The following ARNT2 variants were observed in gnomAD, a reference collection of about 807,000 sequenced individuals.
ARNT2 encodes aryl hydrocarbon receptor nuclear translocator 2.
In ARNT2, 36 loss-of-function variants were observed where a neutral mutation model predicts 91.7. That is an observed-to-expected ratio of 0.39 (90% confidence interval 0.30 to 0.52). ARNT2 has a LOEUF of 0.52. ARNT2 is among the 20% of genes least tolerant of loss of function. The probability of loss-of-function intolerance (pLI) is 0.72; values close to 1 mark genes in which losing one functional copy is unlikely to be tolerated. For missense variants in ARNT2, 775 were observed against 939.3 expected, an observed-to-expected ratio of 0.83 and a Z score of 2.29; for synonymous variants, 365 against 347.1, an observed-to-expected ratio of 1.05 and a Z score of -0.57.
chr15:80,452,717 C>T (rs183134915), intron 2 of ARNT2, among the ~76,000 whole-genome samples: 2 of 152,248 alleles, frequency 1.3e-5, no homozygotes, highest in East Asian at 3.9e-4. Context: ...TGCTCAGGCC[C>T]AGCCTAGTAC....
chr15:80,438,819 AG>A (rs1896136523), intron 1 of ARNT2, among the ~76,000 whole-genome samples: 1 of 152,120 alleles, frequency 6.6e-6, no homozygotes, highest in Non-Finnish European at 1.5e-5. Context: ...CCTCCCAAGT[AG>A]CTAGGATTAT....
At chr15:80,512,926 T>C (rs1356736991) in intron 6 of ARNT2, among the ~76,000 whole-genome samples, 2 of 152,072 alleles carry the variant, frequency 1.3e-5, no homozygotes, top group African/African-American at 2.4e-5. Flanking sequence ...TTCCTCCAAA[T>C]GAAACAGCTA....
At chr15:80,453,759 G>A (rs931792859) in intron 2 of ARNT2, among the ~76,000 whole-genome samples, 3 of 152,152 alleles carry the variant, frequency 2.0e-5, no homozygotes, top group Non-Finnish European at 1.5e-5. Flanking sequence ...TGAGAATGTG[G>A]GACATGGTGG....
At chr15:80,516,751 TTAAG>T (rs1270907537) in intron 8 of ARNT2, among the ~76,000 whole-genome samples, 1 of 148,426 alleles carries the variant, frequency 6.7e-6, no homozygotes, top group Admixed American at 6.7e-5. Flanking sequence ...TTTGCCTTTT[TTAAG>T]TTTCTTTAAA....
intron 1 of ARNT2, chr15:80,442,989 C>G: frequency 1.0e-6 from 1 of 985,432 alleles, no homozygotes. Flanking sequence ...CTCACCTGGA[C>G]TGCTGTGACC....
At chr15:80,468,352 C>T (rs1052446735) in intron 3 of ARNT2, among the ~76,000 whole-genome samples, 3 of 152,028 alleles carry the variant, frequency 2.0e-5, no homozygotes, top group East Asian at 3.9e-4. Flanking sequence ...CATCACGGCT[C>T]TTATCAGCCT....
chr15:80,411,176 A>G (rs1043690196), intron 1 of ARNT2, among the ~76,000 whole-genome samples: 1 of 152,186 alleles, frequency 6.6e-6, no homozygotes, highest in African/African-American at 2.4e-5. Flanking sequence ...TGTACCTATC[A>G]TGCATTCTTC....
chr15:80,497,692 A>G (rs1033420692), intron 5 of ARNT2, among the ~76,000 whole-genome samples: 2 of 152,248 alleles, frequency 1.3e-5, no homozygotes, highest in African/African-American at 2.4e-5. Flanking sequence ...GTGCTGCAGG[A>G]GAGCTGAGAA....
intron 4 of ARNT2, among the ~76,000 whole-genome samples, chr15:80,474,317 A>T (rs564901370): frequency 6.6e-6 from 1 of 152,238 alleles, no homozygotes; most frequent in South Asian, 2.1e-4. Context: ...TGATGCTCCT[A>T]TCCTCTTCTC....
intron 11 of ARNT2, among the ~76,000 whole-genome samples, chr15:80,561,233 C>T (rs886813223): frequency 6.6e-6 from 1 of 152,074 alleles, no homozygotes; most frequent in Non-Finnish European, 1.5e-5. Flanking sequence ...GGGACCAAGT[C>T]CCCATTCTAA....
chr15:80,478,704 G>T (rs186572670), intron 5 of ARNT2, among the ~76,000 whole-genome samples: 24 of 152,326 alleles, frequency 1.6e-4, no homozygotes, highest in Admixed American at 3.9e-4. Flanking sequence ...TTGATTCCGT[G>T]GGGGAGAGCT....
At chr15:80,480,825 C>G (rs1014177009) in intron 5 of ARNT2, among the ~76,000 whole-genome samples, 2 of 152,066 alleles carry the variant, frequency 1.3e-5, no homozygotes, top group African/African-American at 4.8e-5. Flanking sequence ...CTCCTTCCTC[C>G]TTCCCTCTTT....
In ARNT2 at chr15:80,450,272, G is replaced by A. The variant is rs532334929; in HGVS notation, c.32-608G>A. 5.9e-5 allele frequency among the ~76,000 whole-genome samples: 9 copies of A among 152,322 alleles called. No homozygotes were observed. In the East Asian group the frequency reaches 1.7e-3, roughly 29 times the overall value. Reference sequence around the variant, plus strand: ...AGGTCCAGCTCTGGAGATCCAGGAAGCCTCAGCCTGGCCTGCTATAGCCTG... The same window carrying A: ...AGGTCCAGCTCTGGAGATCCAGGAAACCTCAGCCTGGCCTGCTATAGCCTG... On this transcript the variant is annotated intron_variant, in intron 1 of 18. Coordinates refer to ENST00000303329, the MANE Select transcript of ARNT2 (RefSeq NM_014862.4).
chr15:80,451,021 T>A, intron 2 of ARNT2, 27 bp downstream of exon 2: 1 of 1,599,368 alleles, frequency 6.3e-7, no homozygotes. Flanking sequence ...TTTCCAGGAA[T>A]TGGCTTAATA....
chr15:80,521,371 A>G (rs997273707), intron 8 of ARNT2, among the ~76,000 whole-genome samples: 16 of 152,214 alleles, frequency 1.1e-4, no homozygotes, highest in African/African-American at 3.9e-4. Flanking sequence ...TGTGGTACAC[A>G]AAATATCCTG....
At chr15:80,498,587 A>G (rs1248510110) in intron 5 of ARNT2, among the ~76,000 whole-genome samples, 1 of 152,226 alleles carries the variant, frequency 6.6e-6, no homozygotes, top group Non-Finnish European at 1.5e-5. Flanking sequence ...TGTACCTCCT[A>G]TAACTCCACC....
chr15:80,547,219 T>G (rs1262988426), intron 8 of ARNT2, among the ~76,000 whole-genome samples: 1 of 152,204 alleles, frequency 6.6e-6, no homozygotes, highest in Non-Finnish European at 1.5e-5. Flanking sequence ...ACATTTGCGC[T>G]GATGGCGTAA....
intron 5 of ARNT2, among the ~76,000 whole-genome samples, chr15:80,506,654 G>C (rs1168997799): frequency 6.6e-6 from 1 of 152,160 alleles, no homozygotes; most frequent in Non-Finnish European, 1.5e-5. Flanking sequence ...ATTGAGTTTC[G>C]GTCAAAGGAA....
chr15:80,445,650 T>C (rs1896286910), intron 1 of ARNT2, among the ~76,000 whole-genome samples: 2 of 152,050 alleles, frequency 1.3e-5, no homozygotes, highest in South Asian at 2.1e-4. Flanking sequence ...AGCTCAGGAC[T>C]CAGCTCCGCA....
Sources: gnomAD v4.1 joint callset for allele counts (sites outside exome capture counted in the v4.1 genomes callset) on GRCh38, gnomAD v4.1.1 for gene constraint, MANE v1.5 for transcripts, NCBI Gene and HGNC (gene_info 2026-07-23, HGNC 2026-07-21) for gene names.